The following ALOX5 variants were observed in gnomAD, a reference collection of about 807,000 sequenced individuals.
The protein encoded by ALOX5 is arachidonate 5-lipoxygenase.
Under a neutral mutation model 87.9 loss-of-function variants are expected in ALOX5, and 64 were observed. The observed-to-expected ratio is 0.73, with a 90% CI of 0.60 to 0.90. The LOEUF is 0.90. ALOX5 is among the 40% of genes least tolerant of loss of function. ALOX5 has a pLI of 0.00. For missense variants in ALOX5, 822 were observed against 907.5 expected, an observed-to-expected ratio of 0.91 and a Z score of 1.21; for synonymous variants, 388 against 355.1, an observed-to-expected ratio of 1.09 and a Z score of -1.04.
chr10:45,429,585 A>G (rs992908723), intron 7 of ALOX5, among the ~76,000 whole-genome samples: 26 of 152,230 alleles, frequency 1.7e-4, no homozygotes, highest in Non-Finnish European at 1.5e-4. Context: ...CTGTGCAGCA[A>G]ATTCATTGTT....
intron 2 of ALOX5, among the ~76,000 whole-genome samples, chr10:45,394,826 G>A (rs35198778): frequency 0.23 from 34,535 of 151,948 alleles, 4,056 homozygotes; most frequent in African/African-American, 0.26. Context: ...AAAAGAAGAC[G>A]TTTATGCAGC....
chr10:45,386,882 C>A (rs887918603), intron 2 of ALOX5, among the ~76,000 whole-genome samples: 1 of 152,154 alleles, frequency 6.6e-6, no homozygotes, highest in Non-Finnish European at 1.5e-5. Flanking sequence ...CAGCCCCGCC[C>A]TTAGCTACCT....
chr10:45,444,584 T>C lies in ALOX5; in HGVS notation c.1845+298T>C, dbSNP rs1842374135. On this transcript the variant is annotated intron_variant, in intron 13 of 13. Transcript: ENST00000374391. The stretch of plus-strand genomic sequence containing the variant: ...TTGACAAAGTTCTTGCACATGTGTT[T>C]TACCCTGGTACTCCAGAGGGAATGA... The C allele has an allele frequency of 7.2e-6, 3 of 414,802 alleles. No homozygotes were observed. The South Asian group carries it at 1.6e-4, about 23-fold the overall frequency. The allele number at this position is 414,802 out of a possible 1,614,324, so 25.7% of individuals were successfully genotyped here.
In ALOX5 at chr10:45,374,247, C is replaced by T. The variant is rs746772205; in HGVS notation, c.-33C>T. 3.8e-5 allele frequency: 55 copies of T among 1,452,162 alleles called. No individual in the cohort carries two copies. Among genetic ancestry groups the T allele is most frequent in the African/African-American group, 1.5e-5 (1 of 67,426 alleles). 90.0% of individuals were successfully genotyped at this position (1,452,162 alleles called of 1,614,324 possible). ...GGACACCTGGACCGCCGCGCCGAGG[C>T]TCCCGGCGCTCGCTGCTCCCGCGGC... On this transcript the variant is annotated 5_prime_UTR_variant, in exon 1 of 14. Transcript: ENST00000374391.
chr10:45,434,655 T>A (rs1017792481), intron 7 of ALOX5, among the ~76,000 whole-genome samples: 2 of 152,220 alleles, frequency 1.3e-5, no homozygotes, highest in African/African-American at 2.4e-5. Flanking sequence ...CTCACTTATG[T>A]AAAATGAATG....
At chr10:45,429,494 A>G (rs1168739197) in intron 7 of ALOX5, among the ~76,000 whole-genome samples, 1 of 152,226 alleles carries the variant, frequency 6.6e-6, no homozygotes, top group Non-Finnish European at 1.5e-5. Flanking sequence ...AGGCTATCCT[A>G]TGGGTTAACC....
At position 45,391,256 on chromosome 10, in the gene ALOX5, CTG is replaced by C. The variant is rs577786387; in HGVS notation, c.350-4597_350-4596del. 3.8e-4 allele frequency among the ~76,000 whole-genome samples: 58 copies of C among 152,268 alleles called. No individual in the cohort carries two copies. In the East Asian group the frequency reaches 0.011, roughly 28 times the overall value. On this transcript the variant is annotated intron_variant, in intron 2 of 13. Transcript: ENST00000374391. The stretch of plus-strand genomic sequence containing the variant: ...TGCAGGTGCGCACCGCCACGCCTGA[CTG>C]TTTTTCATATTTTTTTGGTGGAGAC...
chr10:45,443,413 C>CAGGT lies in ALOX5; in HGVS notation c.1452-2_1453dup, dbSNP rs774655444. On this transcript the variant is annotated splice_polypyrimidine_tract_variant and splice_region_variant and intron_variant, in intron 10 of 13. Transcript: ENST00000374391. ...CCCACCCCGGCTGCGCCCCCTGAGC[C>CAGGT]AGGTTCACGGCCGAGGTGGTAGACA... The CAGGT allele has an allele frequency of 6.2e-7, 1 of 1,601,774 alleles. No homozygotes were observed. The highest frequency in any genetic ancestry group is 1.1e-5 in the South Asian group (1 of 90,236).
chr10:45,444,028 TGGG>T (rs1842346044), intron 12 of ALOX5, 85 bp from the exon 13 acceptor site: 1 of 1,458,886 alleles, frequency 6.9e-7, no homozygotes, highest in South Asian at 1.4e-5. Context: ...CCGCTGGAGT[TGGG>T]GGGCACGGGG....
intron 1 of ALOX5, among the ~76,000 whole-genome samples, chr10:45,378,185 T>C (rs1163726554): frequency 2.0e-5 from 3 of 151,616 alleles, no homozygotes; most frequent in African/African-American, 7.3e-5. Context: ...TACCCTCTTA[T>C]GAAGCTTTTC....
At chr10:45,443,346 G>C (rs957592774) in intron 10 of ALOX5, 70 bp from the exon 11 acceptor site, 54 of 1,592,252 alleles carry the variant, frequency 3.4e-5, no homozygotes, top group African/African-American at 5.4e-5. Flanking sequence ...CGTCCGTGAG[G>C]GGGTTGCCGC....
At chr10:45,441,610 C>G (rs959850973) in intron 9 of ALOX5, 180 bp downstream of exon 9, 3 of 561,528 alleles carry the variant, frequency 5.3e-6, no homozygotes, top group Non-Finnish European at 9.3e-6. Context: ...GCCAGGAGCA[C>G]TCCTCCAGGC....
At chr10:45,416,762 TG>T (rs1200257863) in intron 4 of ALOX5, among the ~76,000 whole-genome samples, 1 of 151,774 alleles carries the variant, frequency 6.6e-6, no homozygotes, top group Non-Finnish European at 1.5e-5. Context: ...GGATGGGGGA[TG>T]GATGGAGAGA....
In ALOX5 at chr10:45,428,809, G is replaced by A. The variant is rs769666523; in HGVS notation, c.981+45G>A. On this transcript the variant is annotated intron_variant, in intron 7 of 13. Transcript: ENST00000374391. ...ACCTTTCTGAGCAGCTCAGTCCTCT[G>A]CGATCCAGGGCTCCTGGGTGGCTCC... The A allele has an allele frequency of 5.0e-6, 8 of 1,604,538 alleles. 1 individual carries two copies. The highest frequency in any genetic ancestry group is 2.2e-5 in the East Asian group (1 of 44,788).
At chr10:45,404,129 G>T (rs1840794516) in intron 3 of ALOX5, among the ~76,000 whole-genome samples, 1 of 152,124 alleles carries the variant, frequency 6.6e-6, no homozygotes, top group African/African-American at 2.4e-5. Context: ...GGGGGCTTCT[G>T]GTGAGATCGT....
intron 7 of ALOX5, among the ~76,000 whole-genome samples, chr10:45,433,815 A>G (rs1841983457): frequency 6.6e-6 from 1 of 152,210 alleles, no homozygotes; most frequent in Admixed American, 6.5e-5. Context: ...CAGGCCCCCC[A>G]GGAAGAAATT....
At position 45,412,602 on chromosome 10, in the gene ALOX5, A is replaced by G. The variant is rs888748165; in HGVS notation, c.554+289A>G. 2.0e-5 allele frequency among the ~76,000 whole-genome samples: 3 copies of G among 152,110 alleles called. 1 individual carries two copies. The highest frequency in any genetic ancestry group is 4.2e-4 in the South Asian group (2 of 4,796). On this transcript the variant is annotated intron_variant, in intron 4 of 13. Coordinates refer to ENST00000374391, the MANE Select transcript of ALOX5 (RefSeq NM_000698.5). ...AATGCCTCCTCCCCATCCATATCTC[A>G]TGCTCTCTATGGCCACTTCAAAGGT...
chr10:45,409,354 T>G (rs1840983273), intron 3 of ALOX5, among the ~76,000 whole-genome samples: 1 of 152,274 alleles, frequency 6.6e-6, no homozygotes, highest in Non-Finnish European at 1.5e-5. Context: ...AAAGCTTTTC[T>G]TTTAATACAA....
chr10:45,377,610 C>G (rs945354931), intron 1 of ALOX5, among the ~76,000 whole-genome samples: 2 of 152,098 alleles, frequency 1.3e-5, no homozygotes, highest in African/African-American at 4.8e-5. Context: ...CCCATAGCCT[C>G]CCCCTCTCTC....
Sources: gnomAD v4.1 joint callset for allele counts (sites outside exome capture counted in the v4.1 genomes callset) on GRCh38, gnomAD v4.1.1 for gene constraint, MANE v1.5 for transcripts, NCBI Gene and HGNC (gene_info 2026-07-23, HGNC 2026-07-21) for gene names.